SVEP1: variants seen among roughly 807,000 people sequenced by gnomAD.
The protein encoded by SVEP1 is sushi, von Willebrand factor type A, EGF and pentraxin domain-containing protein 1.
SVEP1 carries 164 observed loss-of-function variants against 367.3 expected under a neutral mutation model. The ratio of observed to expected loss-of-function variants is 0.45; its 90% confidence interval spans 0.39 to 0.51. The LOEUF (loss-of-function observed/expected upper bound fraction) is 0.51. Among genes scored for constraint, SVEP1 ranks in the 20% least tolerant of loss-of-function variants. SVEP1 has a pLI of 0.00. For synonymous variants in SVEP1, 1,666 were observed against 1,611.6 expected, an observed-to-expected ratio of 1.03 and a Z score of -0.81; for missense variants, 4,117 against 4,425.3, an observed-to-expected ratio of 0.93 and a Z score of 1.98.
At chr9:110,404,820 C>A (rs1004851133) in intron 38 of SVEP1, among the ~76,000 whole-genome samples, 12 of 152,128 alleles carry the variant, frequency 7.9e-5, no homozygotes, top group African/African-American at 1.9e-4. Flanking sequence ...AGTCCAGGAG[C>A]TTGAGACTAG....
intron 5 of SVEP1, among the ~76,000 whole-genome samples, chr9:110,505,760 G>A (rs139585200): frequency 4.0e-5 from 6 of 150,694 alleles, no homozygotes; most frequent in Middle Eastern, 3.5e-3. Flanking sequence ...CCTTATCTAT[G>A]TAAATGATCA....
intron 1 of SVEP1, among the ~76,000 whole-genome samples, chr9:110,573,270 G>A (rs1011404095): frequency 1.3e-5 from 2 of 151,966 alleles, no homozygotes; most frequent in African/African-American, 2.4e-5. Context: ...GCTATTATCA[G>A]CCTTTGTATG....
chr9:110,567,612 T>C (rs762346461), intron 1 of SVEP1, among the ~76,000 whole-genome samples: 26 of 152,244 alleles, frequency 1.7e-4, no homozygotes, highest in Non-Finnish European at 2.9e-4. Context: ...CTTCCAGTAC[T>C]GCACCTAGTA....
In SVEP1 at chr9:110,466,760, C is replaced by CAAAAAAAAAAAAAAAAAAAAAA. The variant is rs71371670; in HGVS notation, c.3161-735_3161-734insTTTTTTTTTTTTTTTTTTTTTT. 5.4e-4 allele frequency among the ~76,000 whole-genome samples: 25 copies of CAAAAAAAAAAAAAAAAAAAAAA among 46,394 alleles called. 8 individuals carry two copies. Among genetic ancestry groups the CAAAAAAAAAAAAAAAAAAAAAA allele is most frequent in the East Asian group, 3.6e-3 (4 of 1,106 alleles). 30.4% of individuals were successfully genotyped at this position (46,394 alleles called of 152,430 possible). The stretch of plus-strand genomic sequence containing the variant: ...TGGGCGACAGAGCGAGACTCCATCT[C>CAAAAAAAAAAAAAAAAAAAAAA]AAAAAAAAAAAAAAAAAAGAACTGG... On this transcript the variant is annotated intron_variant, in intron 17 of 47. Transcript: ENST00000374469.
chr9:110,454,668 T>G (rs1276809193), intron 22 of SVEP1, among the ~76,000 whole-genome samples: 4 of 152,206 alleles, frequency 2.6e-5, no homozygotes, highest in Admixed American at 2.6e-4. Context: ...GCAACATGGA[T>G]GCAGCTGCAG....
intron 12 of SVEP1, 134 bp from the exon 13 acceptor site, chr9:110,479,890 C>T: frequency 7.9e-7 from 1 of 1,270,226 alleles, no homozygotes; most frequent in Non-Finnish European, 1.1e-6. Context: ...CAAGAGATGA[C>T]AGTTAAGGAG....
chr9:110,439,404 TA>T (rs1828478766), intron 27 of SVEP1, among the ~76,000 whole-genome samples: 1 of 152,092 alleles, frequency 6.6e-6, no homozygotes, highest in African/African-American at 2.4e-5. Flanking sequence ...TTATTTTTTT[TA>T]TTTTTGAGGC....
At position 110,408,725 on chromosome 9, in the gene SVEP1, T is replaced by G; in HGVS notation, c.6875A>C (p.Glu2292Ala). 1 of 1,613,922 alleles carries G rather than the reference T, an allele frequency of 6.2e-7. No individual in the cohort carries two copies. Among genetic ancestry groups the G allele is most frequent in the Non-Finnish European group, 8.5e-7 (1 of 1,179,892 alleles). The change falls in exon 38 of 48, where the codon GAG becomes GCG. Residue 2292 changes from glutamate (E) to alanine (A), a missense_variant. Physicochemically the swap from Glu to Ala is moderately radical, Grantham distance 107. Coordinates refer to ENST00000374469, the MANE Select transcript of SVEP1 (RefSeq NM_153366.4). ...VGSKVQFFCN[E>A]GYELVGDSSW... is the part of the protein sequence containing the mutation. ...ACTGTCACCAACAAGCTCATAACCC[T>G]CATTACAGAAAAACTGAACCTTGGA... is the stretch of plus-strand genomic sequence containing the variant.
rs753263716 is a variant in SVEP1, at chr9:110,450,066, T to A, written c.4096A>T (p.Ser1366Cys). 2.5e-5 allele frequency: 40 copies of A among 1,613,756 alleles called. No homozygotes were observed. The highest frequency in any genetic ancestry group is 3.4e-5 in the Non-Finnish European group (40 of 1,179,796). ...NGATCKDGANSFRCLCAAGFT... is the reference protein window; with the variant it reads ...NGATCKDGANCFRCLCAAGFT... ...TCAGACTTAGCCTTTTACCTGAAGC[T>A]ATTGGCACCGTCTTTACAGGTAGCT... The change falls in exon 24 of 48, where the codon AGC becomes TGC. Residue 1366 changes from serine (S) to cysteine (C), a missense_variant. Ser to Cys is a moderately radical substitution (Grantham distance 112). This residue lies in a region of SVEP1 where 2,174 missense variants were observed against 2,494.3 expected (regional missense o/e 0.87). Coordinates refer to ENST00000374469, the MANE Select transcript of SVEP1 (RefSeq NM_153366.4).
At chr9:110,395,148 G>C (rs1194471384) in intron 40 of SVEP1, among the ~76,000 whole-genome samples, 1 of 152,232 alleles carries the variant, frequency 6.6e-6, no homozygotes, top group Non-Finnish European at 1.5e-5. Context: ...ACTAACAGCT[G>C]ATCTCTCAGC....
At chr9:110,539,867 T>C (rs1830123288) in intron 3 of SVEP1, among the ~76,000 whole-genome samples, 1 of 151,982 alleles carries the variant, frequency 6.6e-6, no homozygotes, top group Admixed American at 6.6e-5. Context: ...AAAATTGAAA[T>C]TAATTTTTAA....
intron 13 of SVEP1, among the ~76,000 whole-genome samples, chr9:110,477,181 C>T (rs1311192227): frequency 6.6e-6 from 1 of 152,190 alleles, no homozygotes; most frequent in Non-Finnish European, 1.5e-5. Context: ...TCAGAAACTG[C>T]ACCTTCTCCT....
chr9:110,570,465 TGC>T (rs1491024508), intron 1 of SVEP1, among the ~76,000 whole-genome samples: 1 of 123,920 alleles, frequency 8.1e-6, no homozygotes, highest in Non-Finnish European at 1.7e-5. Context: ...AAGTTTCTGT[TGC>T]GTGTGTGTGT....
At chr9:110,427,850 T>C (rs1317162565) in intron 35 of SVEP1, 92 bp from the exon 36 acceptor site, 7 of 1,393,942 alleles carry the variant, frequency 5.0e-6, no homozygotes, top group South Asian at 1.4e-5. Flanking sequence ...ATAAGGGACA[T>C]TTGAGGAATT....
Position 110,487,583 on chromosome 9 carries a change from T to C in SVEP1, c.1930+2067A>G, listed in dbSNP as rs796569789. ...GGGTAAGGAACCAGTTTAATATATG[T>C]TAGTTATTTCAATAAGTTATGTAAC... On this transcript the variant is annotated intron_variant, in intron 9 of 47. Transcript: ENST00000374469. Among the ~76,000 whole-genome samples, 12 of 152,360 alleles carry C rather than the reference T, an allele frequency of 7.9e-5. 1 individual carries two copies. The highest frequency in any genetic ancestry group is 2.6e-4 in the African/African-American group (11 of 41,592).
intron 43 of SVEP1, among the ~76,000 whole-genome samples, chr9:110,383,496 C>T (rs1169462507): frequency 4.0e-5 from 6 of 151,646 alleles, no homozygotes; most frequent in Admixed American, 3.9e-4. Context: ...AGCAGGAACA[C>T]CCTTGTATAA....
At chr9:110,445,763 C>A in intron 26 of SVEP1, 74 bp downstream of exon 26, 2 of 1,534,302 alleles carry the variant, frequency 1.3e-6, no homozygotes, top group Non-Finnish European at 1.8e-6. Context: ...TTCCCATTTC[C>A]CATCCTCAAT....
chr9:110,379,002 C>T (rs571142635), intron 44 of SVEP1, among the ~76,000 whole-genome samples: 12 of 151,728 alleles, frequency 7.9e-5, no homozygotes, highest in African/African-American at 2.4e-4. Context: ...TGTGTACTAG[C>T]GTACTTCTCG....
chr9:110,487,278 T>G (rs12115594), intron 9 of SVEP1, among the ~76,000 whole-genome samples: 4,141 of 152,276 alleles, frequency 0.027, 178 homozygotes, highest in African/African-American at 0.095. Flanking sequence ...AATTTGGGAA[T>G]TCAGTTAAAG....
Sources: allele counts gnomAD v4.1 joint callset (sites outside exome capture counted in the v4.1 genomes callset), GRCh38; gene constraint gnomAD v4.1.1; regional missense constraint gnomAD v4.1.1; transcripts MANE v1.5; gene names NCBI Gene and HGNC (gene_info 2026-07-23, HGNC 2026-07-21).